The following PBX3 variants were observed in gnomAD, a reference collection of about 807,000 sequenced individuals.
PBX3 encodes the protein PBX homeobox 3, also known as pre-B-cell leukemia transcription factor 3.
Under a neutral mutation model 48.5 loss-of-function variants are expected in PBX3, and 14 were observed. That is an observed-to-expected ratio of 0.29 (90% CI 0.19 to 0.45). PBX3 has a LOEUF of 0.45. Ranked by LOEUF, PBX3 falls within the 20% of genes least tolerant of loss-of-function variation. PBX3 has a pLI of 1.00. For synonymous variants in PBX3, 210 were observed against 200.3 expected (o/e 1.05, Z -0.41); for missense variants, 386 against 546.7 (o/e 0.71, Z 2.93).
At chr9:125,810,229 A>G (rs1234940776) in intron 2 of PBX3, among the ~76,000 whole-genome samples, 1 of 152,194 alleles carries the variant, frequency 6.6e-6, no homozygotes, top group African/African-American at 2.4e-5. Context: ...TTCTCAAAGC[A>G]AGCACTCTGT....
chr9:125,937,716 A>C (rs1319312517), intron 5 of PBX3, among the ~76,000 whole-genome samples: 25 of 152,190 alleles, frequency 1.6e-4, no homozygotes, highest in Admixed American at 1.6e-3. Context: ...GCTGGAGTGC[A>C]GGGATATGTT....
In PBX3 at chr9:125,929,792, A is replaced by G; in HGVS notation, c.654A>G (p.Lys218=). ...TTAGTTCCATTCAGATGCAGCTCAA[A>G]CAAAGCACTTGTGAAGCAGTTATGA... is the stretch of plus-strand genomic sequence containing the variant. ...RKFSSIQMQL[K]QSTCEAVMIL... is the part of the protein sequence containing the mutation. Residue 218 remains lysine, a synonymous_variant, in exon 4 of 9, where the codon AAA becomes AAG. Transcript: ENST00000373489. 1 of 1,614,168 alleles carries G rather than the reference A, an allele frequency of 6.2e-7. No individual in the cohort carries two copies. Among genetic ancestry groups the G allele is most frequent in the Non-Finnish European group, 8.5e-7 (1 of 1,180,002 alleles).
intron 2 of PBX3, among the ~76,000 whole-genome samples, chr9:125,903,147 C>G (rs554689300): frequency 2.0e-5 from 3 of 151,758 alleles, no homozygotes; most frequent in Admixed American, 6.6e-5. Flanking sequence ...TGTTTACCAG[C>G]TTGATTTGAA....
At chr9:125,907,333 A>G (rs1055474937) in intron 2 of PBX3, among the ~76,000 whole-genome samples, 2 of 152,202 alleles carry the variant, frequency 1.3e-5, no homozygotes, top group African/African-American at 4.8e-5. Context: ...ATTATGAGAA[A>G]TTAGATAAAC....
intron 2 of PBX3, among the ~76,000 whole-genome samples, chr9:125,793,365 AAATATATATATATATATATATATAT>A (rs1380479359): frequency 1.0e-5 from 1 of 95,574 alleles, no homozygotes; most frequent in Non-Finnish European, 2.2e-5. Flanking sequence ...GGGAAAAAAA[AAATATATATATATATATATATATAT>A]ATTTACTATT....
In PBX3 at chr9:125,876,793, TCTTTCTTTC is replaced by T. The variant is rs1276588401; in HGVS notation, c.275-38892_275-38884del. 8.7e-5 allele frequency among the ~76,000 whole-genome samples: 13 copies of T among 148,726 alleles called. 1 individual carries two copies. In the East Asian group the frequency reaches 2.6e-3, roughly 29 times the overall value. On this transcript the variant is annotated intron_variant, in intron 2 of 8. Coordinates refer to ENST00000373489, the MANE Select transcript of PBX3 (RefSeq NM_006195.6). ...CTTACTTTTTATATGTGTATGTCTT[TCTTTCTTTC>T]TTTTTTTTTTTTTTTTTTGAGACGA...
chr9:125,870,625 T>A (rs893593893), intron 2 of PBX3, among the ~76,000 whole-genome samples: 2 of 152,180 alleles, frequency 1.3e-5, no homozygotes, highest in African/African-American at 4.8e-5. Context: ...CAATTCAAGA[T>A]GAGGTTTGGG....
At chr9:125,760,527 A>G (rs1395176306) in intron 2 of PBX3, among the ~76,000 whole-genome samples, 1 of 152,210 alleles carries the variant, frequency 6.6e-6, no homozygotes, top group Non-Finnish European at 1.5e-5. Context: ...ATGATATTGT[A>G]TACCACTATT....
intron 4 of PBX3, among the ~76,000 whole-genome samples, chr9:125,930,971 T>C (rs902088038): frequency 6.6e-6 from 1 of 152,248 alleles, no homozygotes; most frequent in Non-Finnish European, 1.5e-5. Context: ...GTTGTGAAGA[T>C]TTTATTATTC....
At chr9:125,852,332 C>T (rs1188843906) in intron 2 of PBX3, among the ~76,000 whole-genome samples, 1 of 152,148 alleles carries the variant, frequency 6.6e-6, no homozygotes, top group Admixed American at 6.5e-5. Flanking sequence ...GTTATCTTTT[C>T]CCATTATTAG....
At chr9:125,955,369 C>T (rs920091694) in intron 5 of PBX3, among the ~76,000 whole-genome samples, 1 of 152,162 alleles carries the variant, frequency 6.6e-6, no homozygotes, top group Admixed American at 6.5e-5. Flanking sequence ...TCTCACTGCC[C>T]GCTCCTTCCC....
chr9:125,917,520 G>T (rs1841360558), intron 3 of PBX3, among the ~76,000 whole-genome samples: 1 of 152,114 alleles, frequency 6.6e-6, no homozygotes, highest in Non-Finnish European at 1.5e-5. Flanking sequence ...AAGATCCTCT[G>T]TGCTATTCAT....
intron 3 of PBX3, among the ~76,000 whole-genome samples, chr9:125,927,642 C>A (rs1220062278): frequency 1.3e-5 from 2 of 152,224 alleles, no homozygotes; most frequent in East Asian, 3.9e-4. Context: ...AGAAAAATGC[C>A]AGAAGAGACT....
chr9:125,797,462 C>G (rs1837818356), intron 2 of PBX3: 1 of 152,050 alleles, frequency 6.6e-6, no homozygotes, highest in African/African-American at 2.4e-5. Flanking sequence ...TACCTCTACT[C>G]AAGGTGAGTT....
chr9:125,779,245 C>CT (rs34221799), intron 2 of PBX3, among the ~76,000 whole-genome samples: 74,311 of 127,680 alleles, frequency 0.58, 21,210 homozygotes, highest in African/African-American at 0.64. Context: ...AACTTTGTTC[C>CT]TTTTTTTTTT....
chr9:125,848,039 G>A (rs1313253144), intron 2 of PBX3, among the ~76,000 whole-genome samples: 5 of 151,964 alleles, frequency 3.3e-5, no homozygotes, highest in Non-Finnish European at 5.9e-5. Context: ...TAGGTCTAAT[G>A]CGTTGATGGT....
chr9:125,923,899 C>T (rs1232065062), intron 3 of PBX3, among the ~76,000 whole-genome samples: 1 of 152,008 alleles, frequency 6.6e-6, no homozygotes, highest in East Asian at 1.9e-4. Flanking sequence ...AATTCTCACT[C>T]TGTCGCTCAG....
chr9:125,864,160 G>T (rs1426111917), intron 2 of PBX3, among the ~76,000 whole-genome samples: 1 of 152,228 alleles, frequency 6.6e-6, no homozygotes, highest in East Asian at 1.9e-4. Flanking sequence ...GATTCCCCAT[G>T]AGAGTAATAT....
intron 2 of PBX3, among the ~76,000 whole-genome samples, chr9:125,763,974 C>CT (rs926000324): frequency 6.6e-6 from 1 of 152,150 alleles, no homozygotes; most frequent in Non-Finnish European, 1.5e-5. Flanking sequence ...ATCACACATT[C>CT]TTTTCTTCAC....
Sources: allele counts gnomAD v4.1 joint callset (sites outside exome capture counted in the v4.1 genomes callset), GRCh38; gene constraint gnomAD v4.1.1; transcripts MANE v1.5; gene names NCBI Gene and HGNC (gene_info 2026-07-23, HGNC 2026-07-21).